GRM7: variants seen among roughly 807,000 people sequenced by gnomAD.
GRM7 encodes the protein glutamate metabotropic receptor 7.
A neutral mutation model predicts 84.5 loss-of-function variants in GRM7; 35 were observed. The observed-to-expected ratio is 0.41, with a 90% confidence interval of 0.32 to 0.55. The LOEUF (loss-of-function observed/expected upper bound fraction) is 0.55. GRM7 is among the 20% of genes least tolerant of loss of function. The probability of loss-of-function intolerance (pLI) is 0.19; values close to 1 mark genes in which losing one functional copy is unlikely to be tolerated. For synonymous variants in GRM7, 487 were observed against 455.1 expected, an observed-to-expected ratio of 1.07 and a Z score of -0.89; for missense variants, 1,003 against 1,194.6, an observed-to-expected ratio of 0.84 and a Z score of 2.36.
intron 8 of GRM7, among the ~76,000 whole-genome samples, chr3:7,653,970 C>T (rs1699071480): frequency 1.3e-5 from 2 of 152,164 alleles, no homozygotes; most frequent in South Asian, 4.1e-4. Flanking sequence ...CCCTTGCCCC[C>T]TTCCTTAAAT....
intron 9 of GRM7, among the ~76,000 whole-genome samples, chr3:7,735,403 C>CTTTATAATCA (rs374887380): frequency 1.3e-4 from 20 of 152,162 alleles, no homozygotes; most frequent in African/African-American, 4.3e-4. Context: ...GGAGAGGGTG[C>CTTTATAATCA]AGACAGGATT....
chr3:7,076,109 G>A (rs759397709), intron 1 of GRM7, among the ~76,000 whole-genome samples: 13 of 152,132 alleles, frequency 8.5e-5, no homozygotes, highest in Admixed American at 4.6e-4. Flanking sequence ...TGGGCATGGG[G>A]AGAGTGCAAA....
intron 6 of GRM7, 54 bp downstream of exon 6, chr3:7,452,861 T>G: frequency 9.0e-7 from 1 of 1,108,048 alleles, no homozygotes; most frequent in Non-Finnish European, 1.4e-6. Context: ...GCATTCTGTT[T>G]CATAAGTTTT....
At chr3:7,168,914 G>A (rs1442011291) in intron 2 of GRM7, among the ~76,000 whole-genome samples, 1 of 152,080 alleles carries the variant, frequency 6.6e-6, no homozygotes, top group Non-Finnish European at 1.5e-5. Context: ...ATCAAATAAA[G>A]GAAGAAAAGA....
intron 8 of GRM7, among the ~76,000 whole-genome samples, chr3:7,648,605 C>T (rs1203320104): frequency 4.0e-5 from 6 of 151,024 alleles, no homozygotes; most frequent in Non-Finnish European, 8.8e-5. Context: ...GCTGAAATTG[C>T]ACCACTGCAC....
At chr3:7,173,926 T>C (rs1695064373) in intron 2 of GRM7, among the ~76,000 whole-genome samples, 1 of 152,260 alleles carries the variant, frequency 6.6e-6, no homozygotes, top group South Asian at 2.1e-4. Flanking sequence ...TCCTCTAAAT[T>C]GCAAGCTCAT....
intron 2 of GRM7, among the ~76,000 whole-genome samples, chr3:7,215,119 T>C (rs994962249): frequency 2.0e-5 from 3 of 152,182 alleles, no homozygotes; most frequent in East Asian, 1.9e-4. Flanking sequence ...AAGCATCACA[T>C]AGGGAGTTTG....
rs999687433 is a variant in GRM7 at position 6,862,254 on chromosome 3, A to G, written c.519+347A>G. 6.6e-6 allele frequency among the ~76,000 whole-genome samples: 1 copy of G among 152,080 alleles called. No homozygotes were observed. Among genetic ancestry groups the G allele is most frequent in the African/African-American group, 2.4e-5 (1 of 41,416 alleles). On this transcript the variant is annotated intron_variant, in intron 1 of 9. Coordinates refer to ENST00000357716, the MANE Select transcript of GRM7 (RefSeq NM_000844.4). This position sits in a 1 kb window ranked among gnomAD's most constrained non-coding sequence, Gnocchi z 5.2. Reference sequence around the variant, plus strand: ...AGGCTCGTAAAAGTGCCAGGCTCCTAGGAGAGCTGGTTAGGAGAATGGAAT... The same window carrying G: ...AGGCTCGTAAAAGTGCCAGGCTCCTGGGAGAGCTGGTTAGGAGAATGGAAT...
intron 9 of GRM7, among the ~76,000 whole-genome samples, chr3:7,722,346 A>ACT (rs1701980273): frequency 6.6e-6 from 1 of 152,170 alleles, no homozygotes. Context: ...GTTATACTAT[A>ACT]GTACTATTAC....
At chr3:7,100,990 C>G (rs1298871554) in intron 1 of GRM7, among the ~76,000 whole-genome samples, 1 of 151,662 alleles carries the variant, frequency 6.6e-6, no homozygotes, top group Admixed American at 6.6e-5. Context: ...GATTTTTTAT[C>G]CATTCTCCAG....
chr3:7,413,187 A>G (rs887427095), intron 4 of GRM7, among the ~76,000 whole-genome samples: 1 of 152,172 alleles, frequency 6.6e-6, no homozygotes, highest in African/African-American at 2.4e-5. Flanking sequence ...GACTTCAGCC[A>G]GAGGGAAAAC....
chr3:7,125,110 T>G (rs929888661), intron 1 of GRM7, among the ~76,000 whole-genome samples: 3 of 152,078 alleles, frequency 2.0e-5, no homozygotes, highest in African/African-American at 7.2e-5. Context: ...CACCTAAGTT[T>G]TGTATTTTTA....
intron 1 of GRM7, among the ~76,000 whole-genome samples, chr3:6,943,305 T>C (rs1697953031): frequency 6.6e-6 from 1 of 151,964 alleles, no homozygotes; most frequent in Admixed American, 6.6e-5. Flanking sequence ...AATATTTTCT[T>C]CTATGTTTTG....
intron 1 of GRM7, among the ~76,000 whole-genome samples, chr3:6,925,583 A>C (rs1243700098): frequency 1.3e-5 from 2 of 152,292 alleles, no homozygotes; most frequent in East Asian, 3.9e-4. Flanking sequence ...ACTTGAGGTC[A>C]TCTCTTCTAT....
At chr3:7,064,465 T>C (rs1327599000) in intron 1 of GRM7, among the ~76,000 whole-genome samples, 2 of 103,310 alleles carry the variant, frequency 1.9e-5, no homozygotes, top group Admixed American at 9.7e-5. Context: ...TATATATACA[T>C]ATATATATAT....
At chr3:7,487,966 C>T (rs1699386393) in intron 7 of GRM7, among the ~76,000 whole-genome samples, 1 of 152,092 alleles carries the variant, frequency 6.6e-6, no homozygotes. Flanking sequence ...AGGGGAGGAG[C>T]TGTCTGATTC....
intron 8 of GRM7, among the ~76,000 whole-genome samples, chr3:7,665,336 T>TA (rs1699650413): frequency 6.7e-6 from 1 of 149,896 alleles, no homozygotes; most frequent in African/African-American, 2.5e-5. Flanking sequence ...CGCACCCGGC[T>TA]AATTTTTTTT....
intron 7 of GRM7, among the ~76,000 whole-genome samples, chr3:7,481,655 CA>C (rs1333856401): frequency 6.6e-6 from 1 of 152,132 alleles, no homozygotes; most frequent in African/African-American, 2.4e-5. Flanking sequence ...GCCAAGCCCT[CA>C]GTACATTTTA....
At chr3:7,090,053 G>C (rs898320945) in intron 1 of GRM7, among the ~76,000 whole-genome samples, 1 of 152,090 alleles carries the variant, frequency 6.6e-6, no homozygotes, top group African/African-American at 2.4e-5. Context: ...ATGTTGGCCA[G>C]GCCAGTCTTG....
Sources: allele counts gnomAD v4.1 joint callset (sites outside exome capture counted in the v4.1 genomes callset), GRCh38; gene constraint gnomAD v4.1.1; non-coding constraint Gnocchi (gnomAD v3.1); transcripts MANE v1.5; gene names NCBI Gene and HGNC (gene_info 2026-07-23, HGNC 2026-07-21).